UNC80: variants seen among roughly 807,000 people sequenced by gnomAD.
UNC80 encodes protein unc-80 homolog.
Under a neutral mutation model 384.6 loss-of-function variants are expected in UNC80, and 164 were observed. The ratio of observed to expected loss-of-function variants is 0.43; its 90% confidence interval spans 0.38 to 0.49. The LOEUF (loss-of-function observed/expected upper bound fraction) is 0.49. Ranked by LOEUF, UNC80 falls within the 20% of genes least tolerant of loss-of-function variation. The pLI, the probability that UNC80 is intolerant of heterozygous loss-of-function variation, is 0.00. For synonymous variants in UNC80, 1,486 were observed against 1,527.8 expected, an observed-to-expected ratio of 0.97 and a Z score of 0.64; for missense variants, 3,330 against 4,143.0, an observed-to-expected ratio of 0.80 and a Z score of 5.39.
chr2:209,984,627 C>A (rs1433598854), intron 60 of UNC80, among the ~76,000 whole-genome samples: 1 of 152,152 alleles, frequency 6.6e-6, no homozygotes, highest in Non-Finnish European at 1.5e-5. Context: ...GGTTACTCCT[C>A]TGAGAGTTGT....
chr2:209,939,136 G>A (rs116018176), intron 42 of UNC80, among the ~76,000 whole-genome samples: 303 of 152,252 alleles, frequency 2.0e-3, no homozygotes, highest in African/African-American at 6.8e-3. Context: ...CCCTGTTAGT[G>A]AAGGTCTTCC....
At chr2:209,787,505 A>G (rs183027201) in intron 5 of UNC80, among the ~76,000 whole-genome samples, 67 of 152,302 alleles carry the variant, frequency 4.4e-4, no homozygotes, top group African/African-American at 1.5e-3. Context: ...TAAGGGTTAA[A>G]TGAGTTATAG....
intron 13 of UNC80, 98 bp from the exon 14 acceptor site, chr2:209,825,809 C>T: frequency 8.6e-7 from 1 of 1,163,764 alleles, no homozygotes; most frequent in Non-Finnish European, 1.1e-6. Context: ...CCCTGTAAAA[C>T]ATATAAACTT....
At chr2:209,864,299 C>T (rs1240255559) in intron 22 of UNC80, among the ~76,000 whole-genome samples, 1 of 152,100 alleles carries the variant, frequency 6.6e-6, no homozygotes, top group African/African-American at 2.4e-5. Context: ...TGTCTGACAA[C>T]CCCTGTTGGA....
chr2:209,835,370 A>G (rs977252351), intron 18 of UNC80, among the ~76,000 whole-genome samples: 1 of 152,230 alleles, frequency 6.6e-6, no homozygotes, highest in Non-Finnish European at 1.5e-5. Flanking sequence ...ACTTAAATGT[A>G]TGAATGGCTG....
rs549689633 is a variant in UNC80 at position 209,939,455 on chromosome 2, G to T, written c.6466-17G>T. ...CTAATACTCCTTTTTGTCTGCTCCT[G>T]CTTTTGTTTTCTCCAGGTGTTCACC... is the stretch of plus-strand genomic sequence containing the variant. On this transcript the variant is annotated splice_polypyrimidine_tract_variant and intron_variant, in intron 42 of 64. Coordinates refer to ENST00000673920, the MANE Select transcript of UNC80 (RefSeq NM_001371986.1). 45 of 1,536,724 alleles carry T rather than the reference G, an allele frequency of 2.9e-5. No individual in the cohort carries two copies. The African/African-American group carries it at 5.2e-4, about 18-fold the overall frequency.
chr2:209,795,666 G>A (rs372060733), intron 7 of UNC80: 50 of 152,396 alleles, frequency 3.3e-4, no homozygotes, highest in African/African-American at 1.2e-3. Context: ...CTCCAGCTGT[G>A]GCTGAAAGGG....
At chr2:209,877,350 T>C (rs1373145014) in intron 23 of UNC80, among the ~76,000 whole-genome samples, 1 of 152,176 alleles carries the variant, frequency 6.6e-6, no homozygotes, top group Non-Finnish European at 1.5e-5. Context: ...TTATTAAAAC[T>C]CATATTTCTA....
intron 43 of UNC80, among the ~76,000 whole-genome samples, chr2:209,940,458 A>T (rs1346492108): frequency 1.3e-5 from 2 of 152,190 alleles, no homozygotes; most frequent in East Asian, 3.9e-4. Flanking sequence ...TCTGTTACTC[A>T]GTTATTAATT....
rs561328876 is a variant in UNC80 at position 209,829,886 on chromosome 2, T to A, written c.2626+507T>A. Reference sequence around the variant, plus strand: ...TGACACACACATACTTAATTTTTTTTAAAAAGGCAAATGGATGCACAGATA... The same window carrying A: ...TGACACACACATACTTAATTTTTTTAAAAAAGGCAAATGGATGCACAGATA... On this transcript the variant is annotated intron_variant, in intron 15 of 64. Coordinates refer to ENST00000673920, the MANE Select transcript of UNC80 (RefSeq NM_001371986.1). Among the ~76,000 whole-genome samples, 99 of 152,310 alleles carry A rather than the reference T, an allele frequency of 6.5e-4. 1 individual carries two copies. The highest frequency in any genetic ancestry group is 2.1e-3 in the African/African-American group (87 of 41,576).
intron 7 of UNC80, chr2:209,809,547 C>A: frequency 1.0e-6 from 1 of 972,236 alleles, no homozygotes; most frequent in Non-Finnish European, 1.6e-6. Flanking sequence ...TCCACAAGCA[C>A]CAAGAGTCGG....
At chr2:209,833,874 CT>C in intron 16 of UNC80, 127 bp from the exon 17 acceptor site, 2 of 861,298 alleles carry the variant, frequency 2.3e-6, no homozygotes. Flanking sequence ...CAATAGTAAA[CT>C]GTCCTGTCTT....
At chr2:209,930,900 A>G (rs1004832148) in intron 37 of UNC80, 68 bp from the exon 38 acceptor site, 12 of 1,177,140 alleles carry the variant, frequency 1.0e-5, no homozygotes, top group South Asian at 1.5e-5. Context: ...CGAATTTTCA[A>G]GAAGTTAATT....
Position 209,957,733 on chromosome 2 carries a change from C to A in UNC80, c.7547C>A (p.Thr2516Asn). ...CACACCATGTCGTCTGGGGTGAACACCAGGTAATTCACTGCGCCTTATTCT... is the reference window on the plus strand; with the variant it reads ...CACACCATGTCGTCTGGGGTGAACAACAGGTAATTCACTGCGCCTTATTCT... ...ANHTMSSGVN[T>N]RYQEQGAKLH... The change falls in exon 49 of 65, where the codon ACC becomes AAC. Residue 2516 changes from threonine to asparagine, a missense_variant. Coordinates refer to ENST00000673920, the MANE Select transcript of UNC80 (RefSeq NM_001371986.1). 4 of 1,551,352 alleles carry A rather than the reference C, an allele frequency of 2.6e-6. No homozygotes were observed. The highest frequency in any genetic ancestry group is 2.6e-6 in the Non-Finnish European group (3 of 1,146,772).
chr2:209,963,795 GAC>G (rs2092667680), intron 51 of UNC80, among the ~76,000 whole-genome samples: 1 of 152,198 alleles, frequency 6.6e-6, no homozygotes, highest in African/African-American at 2.4e-5. Flanking sequence ...GGAATTAAGA[GAC>G]AATAACTATT....
At chr2:209,950,930 T>C (rs2092147872) in intron 47 of UNC80, among the ~76,000 whole-genome samples, 1 of 152,024 alleles carries the variant, frequency 6.6e-6, no homozygotes, top group African/African-American at 2.4e-5. Context: ...CCCAGCACTT[T>C]GGGAGGCCAA....
At chr2:209,964,143 G>A (rs967934192) in intron 51 of UNC80, among the ~76,000 whole-genome samples, 5 of 152,172 alleles carry the variant, frequency 3.3e-5, no homozygotes, top group East Asian at 1.9e-4. Context: ...TTCTCTTGGA[G>A]TAATCACAAT....
Position 209,803,425 on chromosome 2 carries a change from A to T in UNC80, c.938+9566A>T, listed in dbSNP as rs1186552923. Among the ~76,000 whole-genome samples the T allele has an allele frequency of 3.2e-4, 48 of 152,202 alleles. 1 individual carries two copies. The highest frequency in any genetic ancestry group is 3.1e-3 in the Admixed American group (48 of 15,280). On this transcript the variant is annotated intron_variant, in intron 7 of 64. Coordinates refer to ENST00000673920, the MANE Select transcript of UNC80 (RefSeq NM_001371986.1). ...TGACATAATTAAATCAGATTTGGGG[A>T]AAGGTAGTTACTTAGGACACAGACT...
At chr2:209,930,117 A>G in intron 37 of UNC80, 146 bp downstream of exon 37, 1 of 435,022 alleles carries the variant, frequency 2.3e-6, no homozygotes, top group Non-Finnish European at 4.0e-6. Context: ...AATGATAATG[A>G]TGAGCAATAC....
Sources: allele counts gnomAD v4.1 joint callset (sites outside exome capture counted in the v4.1 genomes callset), GRCh38; gene constraint gnomAD v4.1.1; transcripts MANE v1.5; gene names NCBI Gene and HGNC (gene_info 2026-07-23, HGNC 2026-07-21).